The following DDAH1 variants were observed in gnomAD, a reference collection of about 807,000 sequenced individuals.
The protein encoded by DDAH1 is dimethylarginine dimethylaminohydrolase 1.
Under a neutral mutation model 28.8 loss-of-function variants are expected in DDAH1, and 19 were observed. The ratio of observed to expected loss-of-function variants is 0.66; its 90% CI spans 0.46 to 0.97. The LOEUF is 0.97. DDAH1 is among the 50% of genes least tolerant of loss of function. The pLI, the probability that DDAH1 is intolerant of heterozygous loss-of-function variation, is 0.00. For missense variants in DDAH1, 326 were observed against 375.9 expected, an observed-to-expected ratio of 0.87 and a Z score of 1.10; for synonymous variants, 153 against 154.4, an observed-to-expected ratio of 0.99 and a Z score of 0.07.
chr1:85,463,473 G>C (rs552739047), intron 1 of DDAH1, among the ~76,000 whole-genome samples: 31 of 152,342 alleles, frequency 2.0e-4, no homozygotes, highest in Admixed American at 1.4e-3. Context: ...GTTTAAAAGA[G>C]TGGGACATCT....
At chr1:85,356,996 T>C (rs910249821) in intron 2 of DDAH1, among the ~76,000 whole-genome samples, 2 of 152,230 alleles carry the variant, frequency 1.3e-5, no homozygotes, top group Admixed American at 1.3e-4. Flanking sequence ...TGCATGGCTA[T>C]GTTCTGATAA....
chr1:85,357,936 G>A (rs1185105831), intron 2 of DDAH1, among the ~76,000 whole-genome samples: 1 of 152,168 alleles, frequency 6.6e-6, no homozygotes, highest in East Asian at 1.9e-4. Context: ...AATAATATTA[G>A]CTGTTCATAT....
At position 85,455,800 on chromosome 1, in the gene DDAH1, A is replaced by G. The variant is rs552079515; in HGVS notation, c.303+8943T>C. Reference sequence around the variant, plus strand: ...TTTAAAGTCTTCTATAGAAAAAATTACTTGTCAAATGTGCTATAAATGGTT... The same window carrying G: ...TTTAAAGTCTTCTATAGAAAAAATTGCTTGTCAAATGTGCTATAAATGGTT... On this transcript the variant is annotated intron_variant, in intron 1 of 5. Coordinates refer to ENST00000284031, the MANE Select transcript of DDAH1 (RefSeq NM_012137.4). 2.0e-5 allele frequency among the ~76,000 whole-genome samples: 3 copies of G among 152,334 alleles called. No individual in the cohort carries two copies. The South Asian group carries it at 6.2e-4, about 32-fold the overall frequency.
intron 1 of DDAH1, among the ~76,000 whole-genome samples, chr1:85,454,710 T>C (rs1654810432): frequency 6.6e-6 from 1 of 152,198 alleles, no homozygotes. Context: ...CTGATTCTAT[T>C]ACAATAAAAA....
At chr1:85,458,135 A>G (rs1199992605) in intron 1 of DDAH1, among the ~76,000 whole-genome samples, 4 of 152,216 alleles carry the variant, frequency 2.6e-5, no homozygotes. Context: ...AGTCCTTTTA[A>G]TTTGCTAACC....
chr1:85,534,876 T>C (rs1658218034), intron 1 of DDAH1, among the ~76,000 whole-genome samples: 1 of 152,214 alleles, frequency 6.6e-6, no homozygotes, highest in African/African-American at 2.4e-5. Context: ...TAGCATATAT[T>C]TGATTTGCCA....
At chr1:85,365,196 C>A (rs2100872299) in intron 1 of DDAH1, among the ~76,000 whole-genome samples, 1 of 152,236 alleles carries the variant, frequency 6.6e-6, no homozygotes, top group East Asian at 1.9e-4. Context: ...AAGCAGAGAG[C>A]TGAGATTTCA....
chr1:85,381,804 C>G (rs751019617), intron 1 of DDAH1, among the ~76,000 whole-genome samples: 1 of 152,036 alleles, frequency 6.6e-6, no homozygotes, highest in Non-Finnish European at 1.5e-5. Flanking sequence ...CATGTGCTTG[C>G]TTATATCTCT....
intron 2 of DDAH1, among the ~76,000 whole-genome samples, chr1:85,473,305 A>C (rs1395058768): frequency 1.3e-5 from 2 of 152,106 alleles, no homozygotes; most frequent in African/African-American, 4.8e-5. Flanking sequence ...TCAGTTTTTC[A>C]GAGCTTTTTG....
intron 1 of DDAH1, among the ~76,000 whole-genome samples, chr1:85,379,924 T>C (rs184310397): frequency 6.6e-6 from 1 of 152,214 alleles, no homozygotes; most frequent in Non-Finnish European, 1.5e-5. Flanking sequence ...CCTGAATGAT[T>C]GCAAAGCCTC....
At chr1:85,465,334 G>A (rs972358418), upstream of DDAH1, 16 of 499,312 alleles carry the variant, frequency 3.2e-5, no homozygotes, top group African/African-American at 3.3e-4. Context: ...GGGGCCAGGA[G>A]AGGCGGCCGG....
At chr1:85,402,575 A>T (rs1024079782) in intron 1 of DDAH1, among the ~76,000 whole-genome samples, 3 of 152,196 alleles carry the variant, frequency 2.0e-5, no homozygotes, top group Non-Finnish European at 4.4e-5. Context: ...TTTCTGGTAA[A>T]TATAGCTGAA....
At chr1:85,404,413 A>G in intron 1 of DDAH1, 5 of 1,534,834 alleles carry the variant, frequency 3.3e-6, no homozygotes, top group Non-Finnish European at 4.4e-6. Flanking sequence ...GCCATCCAGA[A>G]CTGCTTTTGG....
At chr1:85,551,913 A>C (rs2100795501) in intron 1 of DDAH1, among the ~76,000 whole-genome samples, 1 of 152,280 alleles carries the variant, frequency 6.6e-6, no homozygotes, top group Middle Eastern at 3.4e-3. Flanking sequence ...TTGGGGAAGA[A>C]ACAGCTGAGG....
chr1:85,546,815 A>T (rs964690022), intron 1 of DDAH1, among the ~76,000 whole-genome samples: 1 of 152,162 alleles, frequency 6.6e-6, no homozygotes, highest in Non-Finnish European at 1.5e-5. Context: ...CTGAAGGATT[A>T]AAAAAAGAAG....
chr1:85,332,920 G>A (rs979087965), intron 4 of DDAH1, among the ~76,000 whole-genome samples: 14 of 152,046 alleles, frequency 9.2e-5, no homozygotes, highest in Admixed American at 1.3e-4. Context: ...TGCAGCCACC[G>A]CTAATATCAG....
intron 1 of DDAH1, among the ~76,000 whole-genome samples, chr1:85,398,067 T>TG (rs1195683729): frequency 6.6e-6 from 1 of 151,814 alleles, no homozygotes; most frequent in African/African-American, 2.4e-5. Context: ...ACACACAGCA[T>TG]TACAGTGAGT....
At chr1:85,479,262 T>C (rs1241337) in intron 2 of DDAH1, among the ~76,000 whole-genome samples, 100,112 of 146,726 alleles carry the variant, frequency 0.68, 35,534 homozygotes, top group African/African-American at 0.88. Context: ...CAAGCTCCGC[T>C]TCCCGGGTTC....
intron 1 of DDAH1, chr1:85,404,357 C>T (rs1187504587): frequency 4.6e-6 from 7 of 1,534,556 alleles, no homozygotes; most frequent in Non-Finnish European, 6.1e-6. Context: ...CTAGAAGGTA[C>T]TGCTAAGCTT....
Sources: allele counts gnomAD v4.1 joint callset (sites outside exome capture counted in the v4.1 genomes callset), GRCh38; gene constraint gnomAD v4.1.1; transcripts MANE v1.5; gene names NCBI Gene and HGNC (gene_info 2026-07-23, HGNC 2026-07-21).